Variants in STK31 observed in about 807,000 individuals in gnomAD.
The protein encoded by STK31 is serine/threonine kinase 31, also known as serine/threonine-protein kinase 31.
Under a neutral mutation model 129.7 loss-of-function variants are expected in STK31, and 89 were observed. The observed-to-expected ratio is 0.69, with a 90% CI of 0.58 to 0.82. STK31 has a LOEUF of 0.82. Ranked by LOEUF, STK31 falls within the 40% of genes least tolerant of loss-of-function variation. STK31 has a pLI of 0.00. For synonymous variants in STK31, 448 were observed against 395.3 expected, an observed-to-expected ratio of 1.13 and a Z score of -1.58; for missense variants, 1,187 against 1,176.4, an observed-to-expected ratio of 1.01 and a Z score of -0.13.
chr7:23,788,164 CTTTA>C, intron 21 of STK31, 35 bp downstream of exon 21: 1 of 1,558,272 alleles, frequency 6.4e-7, no homozygotes, highest in Non-Finnish European at 8.7e-7. Context: ...AGGTTCTAGA[CTTTA>C]TTTAATATTA....
chr7:23,754,091 GT>G lies in STK31; in HGVS notation c.1134-218del, dbSNP rs1199335508. Among the ~76,000 whole-genome samples, 12 of 151,972 alleles carry G rather than the reference GT, an allele frequency of 7.9e-5. No homozygotes were observed. The East Asian group carries it at 2.3e-3, about 29-fold the overall frequency. ...TCATGAAATTAGTATATCCACAGTT[GT>G]TTTTTAATTAAAAGTTTATATTAAA... On this transcript the variant is annotated intron_variant, in intron 9 of 23. Transcript: ENST00000355870.
At chr7:23,789,029 G>A (rs1268494603) in intron 21 of STK31, among the ~76,000 whole-genome samples, 2 of 152,058 alleles carry the variant, frequency 1.3e-5, no homozygotes, top group African/African-American at 4.8e-5. Context: ...TGCCTATTTG[G>A]ACATCTCATG....
chr7:23,823,702 T>A (rs1793930921), intron 23 of STK31, among the ~76,000 whole-genome samples: 3 of 152,152 alleles, frequency 2.0e-5, no homozygotes, highest in African/African-American at 7.2e-5. Flanking sequence ...TATTGCCTAG[T>A]TATTCTTCTA....
chr7:23,829,140 A>C (rs183214110), intron 23 of STK31, among the ~76,000 whole-genome samples: 7 of 151,022 alleles, frequency 4.6e-5, no homozygotes, highest in South Asian at 2.1e-4. Flanking sequence ...TGAACTCCTG[A>C]CCTCACGTGA....
chr7:23,759,808 G>A (rs1789344771), intron 10 of STK31, among the ~76,000 whole-genome samples: 1 of 152,154 alleles, frequency 6.6e-6, no homozygotes, highest in Admixed American at 6.5e-5. Flanking sequence ...AATACTTGAT[G>A]TGGACTCTTG....
chr7:23,725,131 G>A (rs1312810007), intron 4 of STK31, among the ~76,000 whole-genome samples: 6 of 152,038 alleles, frequency 3.9e-5, no homozygotes, highest in Admixed American at 3.9e-4. Context: ...TATCAGTAGG[G>A]TTGAACTTTG....
At chr7:23,755,780 A>T (rs1210558461) in intron 10 of STK31, among the ~76,000 whole-genome samples, 1 of 152,090 alleles carries the variant, frequency 6.6e-6, no homozygotes, top group East Asian at 1.9e-4. Flanking sequence ...TGTTTTTGTC[A>T]GGTTTGTCGA....
intron 22 of STK31, among the ~76,000 whole-genome samples, chr7:23,805,356 G>C (rs553961869): frequency 2.0e-5 from 3 of 152,168 alleles, no homozygotes; most frequent in Non-Finnish European, 2.9e-5. Flanking sequence ...GATTACAGGC[G>C]TGAGCCACCA....
At chr7:23,821,246 A>G (rs1047258010) in intron 23 of STK31, among the ~76,000 whole-genome samples, 4 of 152,148 alleles carry the variant, frequency 2.6e-5, no homozygotes, top group African/African-American at 4.8e-5. Context: ...TGGCTATACT[A>G]ATTTACATTT....
intron 11 of STK31, among the ~76,000 whole-genome samples, chr7:23,768,632 C>T (rs1165842593): frequency 6.6e-6 from 1 of 152,110 alleles, no homozygotes; most frequent in African/African-American, 2.4e-5. Context: ...GATAGATACA[C>T]TAAAGCCCAG....
At chr7:23,727,082 G>A (rs1787132446) in intron 4 of STK31, among the ~76,000 whole-genome samples, 159 bp from the exon 5 acceptor site, 1 of 152,098 alleles carries the variant, frequency 6.6e-6, no homozygotes. Context: ...ATACATAGTG[G>A]CATAAACAAA....
intron 8 of STK31, among the ~76,000 whole-genome samples, chr7:23,741,204 A>G (rs903657349): frequency 1.3e-5 from 2 of 152,112 alleles, no homozygotes; most frequent in African/African-American, 4.8e-5. Flanking sequence ...AAGATGTTCC[A>G]TACTCATCTG....
intron 6 of STK31, among the ~76,000 whole-genome samples, chr7:23,730,961 T>G (rs2128076094): frequency 6.9e-6 from 1 of 145,714 alleles, no homozygotes; most frequent in South Asian, 2.3e-4. Context: ...CTCGGCTCAC[T>G]GCAACCTCCG....
intron 21 of STK31, among the ~76,000 whole-genome samples, chr7:23,789,183 T>G (rs1396817808): frequency 1.3e-5 from 2 of 150,566 alleles, no homozygotes; most frequent in Non-Finnish European, 3.0e-5. Context: ...TGCACCACAT[T>G]TTGTTTATAT....
rs1348152140 is a variant in STK31, at chr7:23,807,648, C to CA, written c.2761-7496_2761-7495insA. 3.1e-3 allele frequency among the ~76,000 whole-genome samples: 475 copies of CA among 152,134 alleles called. 4 individuals are homozygous for CA. Among genetic ancestry groups the CA allele is most frequent in the African/African-American group, 0.01 (432 of 41,528 alleles). ...TGCATTTTAGCCCCCCACCCTTTCT[C>CA]CTCTTTTTCTAGGACTCTGATTATA... On this transcript the variant is annotated intron_variant, in intron 22 of 23. Coordinates refer to ENST00000355870, the MANE Select transcript of STK31 (RefSeq NM_031414.5).
intron 17 of STK31, among the ~76,000 whole-genome samples, chr7:23,784,469 T>G (rs1791137663): frequency 6.6e-6 from 1 of 152,182 alleles, no homozygotes; most frequent in Admixed American, 6.5e-5. Flanking sequence ...GATTACCTTA[T>G]GCAGTGTGGG....
intron 6 of STK31, among the ~76,000 whole-genome samples, chr7:23,730,954 G>A (rs1270859935): frequency 7.1e-6 from 1 of 141,052 alleles, no homozygotes; most frequent in South Asian, 2.3e-4. Context: ...GCATGATCTC[G>A]GCTCACTGCA....
At chr7:23,767,338 A>G (rs1462335660) in intron 11 of STK31, among the ~76,000 whole-genome samples, 4 of 152,174 alleles carry the variant, frequency 2.6e-5, no homozygotes, top group Non-Finnish European at 5.9e-5. Context: ...TTGTGTAGTT[A>G]TATGAAGGGC....
In STK31 at chr7:23,735,814, A is replaced by T; in HGVS notation, c.760A>T (p.Arg254Trp). ...GHRSNQSTFS[R>W]PKGHLSEKMT... is the part of the protein sequence containing the mutation. ...TAGATCAAACCAGTCAACCTTCAGC[A>T]GGCCCAAGGGGCACTTAAGTGAGAA... Residue 254 changes from arginine (R) to tryptophan (W), a missense_variant, in exon 7 of 24, where the codon AGG becomes TGG. Arg to Trp is a moderately radical substitution (Grantham distance 101). Around this residue, in one of 5 missense-constraint regions of STK31, gnomAD observed 975 missense variants for 934.9 expected, o/e 1.04. Coordinates refer to ENST00000355870, the MANE Select transcript of STK31 (RefSeq NM_031414.5). 1 of 1,614,086 alleles carries T rather than the reference A, an allele frequency of 6.2e-7. No homozygotes were observed.
Sources: gnomAD v4.1 joint callset for allele counts (sites outside exome capture counted in the v4.1 genomes callset) on GRCh38, gnomAD v4.1.1 for gene constraint, gnomAD v4.1.1 regional missense constraint, MANE v1.5 for transcripts, NCBI Gene and HGNC (gene_info 2026-07-23, HGNC 2026-07-21) for gene names.